MIR2052HG: variants seen among roughly 807,000 people sequenced by gnomAD.
MIR2052HG encodes the protein MIR2052 host gene.
chr8:74,613,032 C>A, intron 2 of MIR2052HG: 1 of 418,816 alleles, frequency 2.4e-6, no homozygotes. Flanking sequence ...TGAAACCTCA[C>A]TAAAGGGAGA....
At chr8:74,620,042 T>C (rs1259832884) in intron 2 of MIR2052HG, among the ~76,000 whole-genome samples, 1 of 152,146 alleles carries the variant, frequency 6.6e-6, no homozygotes, top group Non-Finnish European at 1.5e-5. Context: ...ATGGGAGAAA[T>C]TAACTAAAAC....
At chr8:74,623,128 A>G (rs1309402618) in intron 2 of MIR2052HG, among the ~76,000 whole-genome samples, 1 of 152,220 alleles carries the variant, frequency 6.6e-6, no homozygotes, top group Non-Finnish European at 1.5e-5. Context: ...AAATTTGTAA[A>G]AGAGTAGATT....
intron 2 of MIR2052HG, among the ~76,000 whole-genome samples, chr8:74,690,077 G>C (rs1162308996): frequency 6.6e-6 from 1 of 152,130 alleles, no homozygotes; most frequent in Non-Finnish European, 1.5e-5. Flanking sequence ...GTGTAGGTAG[G>C]ACATTACAAA....
At chr8:74,742,500 C>A (rs976569112) in intron 4 of MIR2052HG, among the ~76,000 whole-genome samples, 1 of 151,996 alleles carries the variant, frequency 6.6e-6, no homozygotes, top group Non-Finnish European at 1.5e-5. Context: ...CTTTGTTGAT[C>A]TTTGGATAAA....
intron 4 of MIR2052HG, among the ~76,000 whole-genome samples, chr8:74,715,951 G>T (rs1029229080): frequency 1.3e-5 from 2 of 152,198 alleles, no homozygotes; most frequent in African/African-American, 4.8e-5. Flanking sequence ...ATTTCTAAAT[G>T]CTGCTGTCTT....
intron 2 of MIR2052HG, among the ~76,000 whole-genome samples, chr8:74,667,280 G>A (rs1311182029): frequency 6.6e-6 from 1 of 152,160 alleles, no homozygotes; most frequent in Non-Finnish European, 1.5e-5. Context: ...GAGCAGGGCT[G>A]TGGCAGTAAG....
At chr8:74,679,862 A>C in intron 2 of MIR2052HG, among the ~76,000 whole-genome samples, 1 of 152,084 alleles carries the variant, frequency 6.6e-6, no homozygotes, top group Non-Finnish European at 1.5e-5. Context: ...AATTCTTAAC[A>C]GCTAAATAGT....
chr8:74,749,848 C>CAA (rs10628806), intron 4 of MIR2052HG, among the ~76,000 whole-genome samples: 33,175 of 107,516 alleles, frequency 0.31, 5,986 homozygotes, highest in African/African-American at 0.48. Context: ...GACTCCATCT[C>CAA]AAAAAAAAAA....
At chr8:74,730,665 T>C (rs1419150199) in intron 4 of MIR2052HG, among the ~76,000 whole-genome samples, 2 of 152,140 alleles carry the variant, frequency 1.3e-5, no homozygotes, top group Non-Finnish European at 2.9e-5. Flanking sequence ...GGAAGGCAAC[T>C]TAATGTTTAA....
At chr8:74,726,989 A>G (rs1446496894) in intron 4 of MIR2052HG, among the ~76,000 whole-genome samples, 1 of 152,216 alleles carries the variant, frequency 6.6e-6, no homozygotes, top group Non-Finnish European at 1.5e-5. Context: ...TGAACATTAC[A>G]TCAGCTTGTT....
chr8:74,709,975 T>C (rs1809450160), intron 4 of MIR2052HG, among the ~76,000 whole-genome samples: 1 of 152,178 alleles, frequency 6.6e-6, no homozygotes, highest in Non-Finnish European at 1.5e-5. Context: ...GCATCTAGTT[T>C]AACAGTTATC....
Position 74,748,393 on chromosome 8 carries a change from A to G in MIR2052HG, n.372-4048A>G, listed in dbSNP as rs1440526696. Among the ~76,000 whole-genome samples, 26 of 152,222 alleles carry G rather than the reference A, an allele frequency of 1.7e-4. 1 individual carries two copies. The highest frequency in any genetic ancestry group is 1.5e-3 in the Admixed American group (23 of 15,274). Reference sequence around the variant, plus strand: ...AAAGACAGGAACTTTCACTAGTCCTATAAGCATTTTCAATCTCTCTTGTTG... The same window carrying G: ...AAAGACAGGAACTTTCACTAGTCCTGTAAGCATTTTCAATCTCTCTTGTTG... On this transcript the variant is annotated intron_variant and non_coding_transcript_variant, in intron 4 of 6. Transcript: ENST00000523442.
chr8:74,677,128 A>C (rs1809061425), intron 2 of MIR2052HG, among the ~76,000 whole-genome samples: 1 of 152,080 alleles, frequency 6.6e-6, no homozygotes, highest in African/African-American at 2.4e-5. Flanking sequence ...AATGTTGAAG[A>C]GCTCAGTTCA....
rs182386761 is a variant in MIR2052HG at position 74,603,136 on chromosome 8, G to A, written n.128+3228G>A. 10 of 660,494 alleles carry A rather than the reference G, an allele frequency of 1.5e-5. No individual in the cohort carries two copies. In the East Asian group the frequency reaches 2.8e-4, roughly 18 times the overall value. The allele number at this position is 660,494 out of a possible 1,614,324, so 40.9% of individuals were successfully genotyped here. Reference sequence around the variant, plus strand: ...AGAGAAAGGAATTAAAACACTTTAAGTAAAAAATCACGAGTGGATGATAAA... The same window carrying A: ...AGAGAAAGGAATTAAAACACTTTAAATAAAAAATCACGAGTGGATGATAAA... On this transcript the variant is annotated intron_variant and non_coding_transcript_variant, in intron 1 of 6. Coordinates refer to ENST00000523442, the Ensembl canonical transcript of MIR2052HG.
intron 2 of MIR2052HG, among the ~76,000 whole-genome samples, chr8:74,648,086 T>G (rs963784321): frequency 6.6e-6 from 1 of 152,148 alleles, no homozygotes; most frequent in Non-Finnish European, 1.5e-5. Context: ...CTGACTGCCT[T>G]CAGGTTTGGG....
chr8:74,688,784 A>G (rs1809210083), intron 2 of MIR2052HG, among the ~76,000 whole-genome samples: 3 of 152,154 alleles, frequency 2.0e-5, no homozygotes, highest in East Asian at 1.9e-4. Flanking sequence ...ACTGAACCCA[A>G]TTTGTCGCCT....
At chr8:74,662,634 G>T (rs1485798306) in intron 2 of MIR2052HG, among the ~76,000 whole-genome samples, 4 of 152,104 alleles carry the variant, frequency 2.6e-5, no homozygotes, top group African/African-American at 9.7e-5. Flanking sequence ...GGCCTAAGAA[G>T]CCAGACTATT....
At chr8:74,600,817 G>A (rs1395764706) in intron 1 of MIR2052HG, among the ~76,000 whole-genome samples, 1 of 151,928 alleles carries the variant, frequency 6.6e-6, no homozygotes, top group African/African-American at 2.4e-5. Flanking sequence ...CTCATTTTCT[G>A]CCAGCCTGAG....
chr8:74,705,390 A>G (rs1440816822), intron 4 of MIR2052HG, among the ~76,000 whole-genome samples: 3 of 152,040 alleles, frequency 2.0e-5, no homozygotes, highest in African/African-American at 7.2e-5. Context: ...TAAAAAGTAA[A>G]TAACCTCAAA....
Sources: gnomAD v4.1 joint callset for allele counts (sites outside exome capture counted in the v4.1 genomes callset) on GRCh38, gnomAD v4.1.1 for gene constraint, MANE v1.5 for transcripts, NCBI Gene and HGNC (gene_info 2026-07-23, HGNC 2026-07-21) for gene names.